The following MYLK3 variants were observed in gnomAD, a reference collection of about 807,000 sequenced individuals.
The protein encoded by MYLK3 is myosin light chain kinase 3.
MYLK3 carries 55 observed loss-of-function variants against 76.3 expected under a neutral mutation model. The ratio of observed to expected loss-of-function variants is 0.72; its 90% CI spans 0.58 to 0.90. The LOEUF is 0.90. Ranked by LOEUF, MYLK3 falls within the 40% of genes least tolerant of loss-of-function variation. MYLK3 has a pLI of 0.00. For missense variants in MYLK3, 973 were observed against 1,053.6 expected (o/e 0.92, Z 1.06); for synonymous variants, 416 against 425.4 (o/e 0.98, Z 0.27).
Position 46,710,581 on chromosome 16 carries a change from C to G in MYLK3, c.2267+56G>C. 5.0e-6 allele frequency: 8 copies of G among 1,604,858 alleles called. No individual in the cohort carries two copies. In the South Asian group the frequency reaches 7.7e-5, roughly 15 times the overall value. ...TCACGGTCAGCAGTCCTGCCCAGCT[C>G]CCAGACCTGGGGTCCCCATCAGAAG... is the stretch of plus-strand genomic sequence containing the variant. On this transcript the variant is annotated intron_variant, in intron 11 of 12. Coordinates refer to ENST00000394809, the MANE Select transcript of MYLK3 (RefSeq NM_182493.3).
chr16:46,759,969 C>T (rs1196290434), intron 1 of MYLK3, among the ~76,000 whole-genome samples: 1 of 152,222 alleles, frequency 6.6e-6, no homozygotes, highest in Non-Finnish European at 1.5e-5. Flanking sequence ...AAACTTTCTG[C>T]TTTCTGTCTA....
chr16:46,716,682 A>G (rs1277921326), intron 9 of MYLK3, among the ~76,000 whole-genome samples: 1 of 151,938 alleles, frequency 6.6e-6, no homozygotes, highest in African/African-American at 2.4e-5. Flanking sequence ...GGATCAAAAG[A>G]CTCTCATTCT....
chr16:46,756,723 T>C (rs1303739663), intron 1 of MYLK3, among the ~76,000 whole-genome samples: 1 of 152,236 alleles, frequency 6.6e-6, no homozygotes, highest in Non-Finnish European at 1.5e-5. Context: ...ACGGTGCACC[T>C]GGCACTTAGC....
intron 12 of MYLK3, among the ~76,000 whole-genome samples, chr16:46,708,506 G>A (rs537700757): frequency 2.3e-4 from 35 of 152,192 alleles, no homozygotes; most frequent in African/African-American, 6.3e-4. Flanking sequence ...CCAGGCTAGA[G>A]TACACTGGCG....
intron 8 of MYLK3, among the ~76,000 whole-genome samples, chr16:46,722,125 T>C (rs1328951678): frequency 6.6e-6 from 1 of 151,940 alleles, no homozygotes; most frequent in Non-Finnish European, 1.5e-5. Flanking sequence ...TCTGGAAGGA[T>C]GCTCGCTGCT....
chr16:46,739,447 C>A (rs944404806), intron 2 of MYLK3, among the ~76,000 whole-genome samples: 2 of 152,092 alleles, frequency 1.3e-5, no homozygotes, highest in African/African-American at 4.8e-5. Flanking sequence ...CAGAAAGGTA[C>A]TACAGTTGGC....
At position 46,706,918 on chromosome 16, in the gene MYLK3, G is replaced by A. The variant is rs1019828534; in HGVS notation, c.*786C>T. ...TGCTACAGCCTGAGGCAGCAGAAGAGCAGCTTTCCTTTATGTCTCAGGATG... is the reference window on the plus strand; with the variant it reads ...TGCTACAGCCTGAGGCAGCAGAAGAACAGCTTTCCTTTATGTCTCAGGATG... On this transcript the variant is annotated 3_prime_UTR_variant, in exon 13 of 13. Coordinates refer to ENST00000394809, the MANE Select transcript of MYLK3 (RefSeq NM_182493.3). The A allele has an allele frequency of 7.9e-5, 12 of 152,208 alleles. No individual in the cohort carries two copies. The highest frequency in any genetic ancestry group is 2.4e-4 in the African/African-American group (10 of 41,450). The allele number at this position is 152,208 out of a possible 1,614,324, so 9.4% of individuals were successfully genotyped here.
chr16:46,731,541 C>G (rs1200995713), intron 4 of MYLK3, among the ~76,000 whole-genome samples: 3 of 152,192 alleles, frequency 2.0e-5, no homozygotes, highest in Non-Finnish European at 4.4e-5. Context: ...ACTTTGCCTG[C>G]TCTCCAACTA....
intron 9 of MYLK3, among the ~76,000 whole-genome samples, chr16:46,720,310 C>T (rs1034469903): frequency 1.3e-5 from 2 of 152,018 alleles, no homozygotes; most frequent in African/African-American, 4.8e-5. Context: ...AGTGATCCTC[C>T]CACCTCAGCC....
chr16:46,727,439 T>A, intron 7 of MYLK3, 62 bp from the exon 8 acceptor site: 1 of 1,539,638 alleles, frequency 6.5e-7, no homozygotes, highest in Non-Finnish European at 8.8e-7. Context: ...GCTTGTCCAC[T>A]GTCATTATAG....
intron 2 of MYLK3, among the ~76,000 whole-genome samples, chr16:46,739,212 C>G (rs8047226): frequency 0.22 from 33,185 of 152,052 alleles, 3,751 homozygotes; most frequent in East Asian, 0.31. Flanking sequence ...GTCTCAAACT[C>G]CTGGGCTCAA....
At chr16:46,731,725 A>G (rs1160355264) in intron 4 of MYLK3, among the ~76,000 whole-genome samples, 1 of 152,160 alleles carries the variant, frequency 6.6e-6, no homozygotes, top group Non-Finnish European at 1.5e-5. Flanking sequence ...TCGCTTTTTA[A>G]CAGAGCCTTC....
chr16:46,709,723 T>C lies in MYLK3; in HGVS notation c.2268-52A>G, dbSNP rs1205038907. On this transcript the variant is annotated intron_variant, in intron 11 of 12. Coordinates refer to ENST00000394809, the MANE Select transcript of MYLK3 (RefSeq NM_182493.3). ...TTTTAGTTGGAGTTGCCTTTTCTCA[T>C]CCAAAAATCTGTTCACTTGAGTAGG... 1.9e-6 allele frequency: 3 copies of C among 1,590,816 alleles called. No homozygotes were observed. The Admixed American group carries it at 5.5e-5, about 29-fold the overall frequency.
chr16:46,726,744 G>GAAAGAAAAGAA, intron 8 of MYLK3: 2 of 134,412 alleles, frequency 1.5e-5, no homozygotes, highest in Non-Finnish European at 3.2e-5. Flanking sequence ...AAAAGAAAGA[G>GAAAGAAAAGAA]AGAGAGAAAG....
intron 3 of MYLK3, among the ~76,000 whole-genome samples, chr16:46,735,944 T>C (rs984042899): frequency 2.0e-4 from 30 of 152,252 alleles, no homozygotes; most frequent in Admixed American, 1.3e-3. Flanking sequence ...CGGCAGGCAG[T>C]GCTGACCAGG....
intron 3 of MYLK3, among the ~76,000 whole-genome samples, chr16:46,736,626 G>A (rs1238530994): frequency 6.6e-6 from 1 of 151,998 alleles, no homozygotes; most frequent in Non-Finnish European, 1.5e-5. Flanking sequence ...TCCATCCTGC[G>A]AGGCCTCCTG....
At chr16:46,723,056 A>G (rs1966815344) in intron 8 of MYLK3, among the ~76,000 whole-genome samples, 1 of 152,152 alleles carries the variant, frequency 6.6e-6, no homozygotes, top group Non-Finnish European at 1.5e-5. Flanking sequence ...AGAGTTGTGT[A>G]ATGATATCAC....
rs79006800 is a variant in MYLK3, at chr16:46,738,094, G to A, written c.618C>T (p.Pro206=). 19 of 1,591,336 alleles carry A rather than the reference G, an allele frequency of 1.2e-5. No homozygotes were observed. Among genetic ancestry groups the A allele is most frequent in the Non-Finnish European group, 1.6e-5 (19 of 1,169,100 alleles). ...VLEGTAERLP[P]IRASGLGADP... is the part of the protein sequence containing the mutation. ...CAGCTCCCAGCCCTGACGCTCTGAT[G>A]GGGGGCAGCCTCTCCGCTGTCCCCT... Residue 206 remains proline, a synonymous_variant, in exon 3 of 13, where the codon CCC becomes CCT. Coordinates refer to ENST00000394809, the MANE Select transcript of MYLK3 (RefSeq NM_182493.3).
At position 46,710,632 on chromosome 16, in the gene MYLK3, G is replaced by C. The variant is rs199794780; in HGVS notation, c.2267+5C>G. On this transcript the variant is annotated splice_donor_5th_base_variant and intron_variant, in intron 11 of 12. Coordinates refer to ENST00000394809, the MANE Select transcript of MYLK3 (RefSeq NM_182493.3). ...GGCCCATGAGTGACAAGCAATGAAA[G>C]GTACCTCTTCTCTTTGACCAGCAAC... The C allele has an allele frequency of 1.3e-4, 212 of 1,614,086 alleles. No individual in the cohort carries two copies. The African/African-American group carries it at 2.3e-3, about 18-fold the overall frequency.
Sources: gnomAD v4.1 joint callset for allele counts (sites outside exome capture counted in the v4.1 genomes callset) on GRCh38, gnomAD v4.1.1 for gene constraint, MANE v1.5 for transcripts, NCBI Gene and HGNC (gene_info 2026-07-23, HGNC 2026-07-21) for gene names.